ROBO1: variants seen among roughly 807,000 people sequenced by gnomAD.
ROBO1 encodes the protein roundabout guidance receptor 1.
Under a neutral mutation model 195.9 loss-of-function variants are expected in ROBO1, and 149 were observed. The observed-to-expected ratio is 0.76, with a 90% confidence interval of 0.67 to 0.87. ROBO1 has a LOEUF of 0.87. ROBO1 is among the 40% of genes least tolerant of loss of function. ROBO1 has a pLI of 0.00. For synonymous variants in ROBO1, 816 were observed against 733.2 expected (o/e 1.11, Z -1.82); for missense variants, 1,933 against 2,068.3 (o/e 0.93, Z 1.27).
intron 2 of ROBO1, among the ~76,000 whole-genome samples, chr3:79,496,323 AT>A (rs1412129675): frequency 6.8e-6 from 1 of 147,378 alleles, no homozygotes; most frequent in Non-Finnish European, 1.5e-5. Context: ...CTGGATTGTG[AT>A]TTGACAATAA....
At chr3:78,705,958 G>A (rs545632920) in intron 8 of ROBO1, among the ~76,000 whole-genome samples, 1 of 152,148 alleles carries the variant, frequency 6.6e-6, no homozygotes, top group African/African-American at 2.4e-5. Flanking sequence ...ATATGCTATT[G>A]AGTGTGTTTC....
chr3:79,762,689 T>C (rs992781936), intron 1 of ROBO1, among the ~76,000 whole-genome samples: 3 of 151,856 alleles, frequency 2.0e-5, no homozygotes, highest in African/African-American at 4.8e-5. Context: ...TAAATTTTCA[T>C]AGTAATTGAT....
chr3:79,738,791 T>C (rs1339061241), intron 1 of ROBO1, among the ~76,000 whole-genome samples: 1 of 152,196 alleles, frequency 6.6e-6, no homozygotes, highest in Non-Finnish European at 1.5e-5. Context: ...TTCATTCACT[T>C]GTAAGCAATC....
At chr3:79,443,974 T>G (rs1433949841) in intron 2 of ROBO1, among the ~76,000 whole-genome samples, 3 of 146,790 alleles carry the variant, frequency 2.0e-5, no homozygotes, top group African/African-American at 7.7e-5. Flanking sequence ...GGAGTGCACA[T>G]GAAAAGAAAA....
At chr3:79,754,068 T>TTATGAAAA (rs1704259786) in intron 1 of ROBO1, among the ~76,000 whole-genome samples, 1 of 152,134 alleles carries the variant, frequency 6.6e-6, no homozygotes, top group Non-Finnish European at 1.5e-5. Flanking sequence ...TGAGAAAAGA[T>TTATGAAAA]TATGAAAACT....
intron 3 of ROBO1, among the ~76,000 whole-genome samples, chr3:79,049,375 C>T (rs2078653825): frequency 1.3e-5 from 2 of 152,020 alleles, no homozygotes; most frequent in Admixed American, 1.3e-4. Context: ...ACTAACAAAG[C>T]CTCAGAGAAA....
intron 1 of ROBO1, among the ~76,000 whole-genome samples, chr3:79,667,110 T>C (rs1946497713): frequency 6.6e-6 from 1 of 151,926 alleles, no homozygotes; most frequent in Non-Finnish European, 1.5e-5. Context: ...GTCACTCTGG[T>C]AAATGACATA....
chr3:79,698,879 T>C (rs1947525268), intron 1 of ROBO1, among the ~76,000 whole-genome samples: 1 of 151,496 alleles, frequency 6.6e-6, no homozygotes, highest in African/African-American at 2.4e-5. Flanking sequence ...GAGGAGATGT[T>C]GAAAGTGCTG....
At chr3:78,613,121 C>T (rs1703914449) in intron 28 of ROBO1, among the ~76,000 whole-genome samples, 1 of 152,124 alleles carries the variant, frequency 6.6e-6, no homozygotes, top group Non-Finnish European at 1.5e-5. Flanking sequence ...TTTAACTTGG[C>T]ATGCTTACAT....
intron 3 of ROBO1, among the ~76,000 whole-genome samples, chr3:78,945,263 AC>A (rs1365740232): frequency 1.3e-5 from 2 of 151,900 alleles, no homozygotes; most frequent in Non-Finnish European, 2.9e-5. Context: ...ACTGGGAGGC[AC>A]CCCCCAGTAG....
intron 2 of ROBO1, among the ~76,000 whole-genome samples, chr3:79,245,739 T>C (rs1371703221): frequency 6.6e-6 from 1 of 151,954 alleles, no homozygotes; most frequent in Non-Finnish European, 1.5e-5. Context: ...CTGGAGACCT[T>C]GGGGGAAATG....
At chr3:79,744,838 T>C (rs1703800235) in intron 1 of ROBO1, among the ~76,000 whole-genome samples, 1 of 152,108 alleles carries the variant, frequency 6.6e-6, no homozygotes, top group South Asian at 2.1e-4. Flanking sequence ...TTTACAAAAA[T>C]TCCAGTTTAT....
intron 3 of ROBO1, among the ~76,000 whole-genome samples, chr3:79,038,105 T>A (rs1479754007): frequency 6.6e-6 from 1 of 152,162 alleles, no homozygotes; most frequent in African/African-American, 2.4e-5. Context: ...TCCAATAAAA[T>A]AATTGAAGAT....
chr3:79,113,277 T>C (rs770661073), intron 3 of ROBO1, among the ~76,000 whole-genome samples: 27 of 152,154 alleles, frequency 1.8e-4, no homozygotes, highest in Non-Finnish European at 3.5e-4. Context: ...TAAGTACCTC[T>C]GCCCATGTGC....
chr3:78,870,826 T>G (rs2035501937), intron 4 of ROBO1, among the ~76,000 whole-genome samples: 1 of 152,182 alleles, frequency 6.6e-6, no homozygotes, highest in South Asian at 2.1e-4. Context: ...AAGCCAACAG[T>G]ACCTGAATCT....
At chr3:78,804,852 T>G (rs1245253248) in intron 4 of ROBO1, among the ~76,000 whole-genome samples, 1 of 152,036 alleles carries the variant, frequency 6.6e-6, no homozygotes, top group Non-Finnish European at 1.5e-5. Flanking sequence ...GTACATCTAT[T>G]AAGAGTTCCA....
chr3:79,702,064 T>C (rs925354339), intron 1 of ROBO1, among the ~76,000 whole-genome samples: 6 of 136,360 alleles, frequency 4.4e-5, no homozygotes, highest in East Asian at 1.9e-4. Context: ...CTGAGTTATA[T>C]TGCACACAAA....
At chr3:78,898,942 G>A (rs985017543) in intron 4 of ROBO1, among the ~76,000 whole-genome samples, 1 of 152,080 alleles carries the variant, frequency 6.6e-6, no homozygotes, top group African/African-American at 2.4e-5. Context: ...GGCAAAGAGA[G>A]ACTAGAAAGC....
At chr3:79,639,140 A>T (rs1225352299) in intron 1 of ROBO1, among the ~76,000 whole-genome samples, 5 of 152,170 alleles carry the variant, frequency 3.3e-5, no homozygotes, top group African/African-American at 9.7e-5. Flanking sequence ...TTGTATTACT[A>T]ATTCTATATG....
Sources: allele counts gnomAD v4.1 joint callset (sites outside exome capture counted in the v4.1 genomes callset), GRCh38; gene constraint gnomAD v4.1.1; transcripts MANE v1.5; gene names NCBI Gene and HGNC (gene_info 2026-07-23, HGNC 2026-07-21).